Variants in TNNI3K observed in about 807,000 individuals in gnomAD.
TNNI3K encodes TNNI3 interacting kinase.
In TNNI3K, 140 loss-of-function variants were observed where a neutral mutation model predicts 114.5. The observed-to-expected ratio is 1.22, with a 90% CI of 1.07 to 1.41. The LOEUF is 1.41. Among genes scored for constraint, TNNI3K ranks in the 40% most tolerant of loss-of-function variants. TNNI3K has a pLI of 0.00. For synonymous variants in TNNI3K, 347 were observed against 347.5 expected, an observed-to-expected ratio of 1.00 and a Z score of 0.02; for missense variants, 1,125 against 1,007.6, an observed-to-expected ratio of 1.12 and a Z score of -1.58.
At chr1:74,468,337 G>C (rs1313160155) in intron 21 of TNNI3K, 1 of 151,946 alleles carries the variant, frequency 6.6e-6, no homozygotes, top group African/African-American at 2.4e-5. Flanking sequence ...TGAAGAAACT[G>C]TCGATTAGGG....
intron 21 of TNNI3K, among the ~76,000 whole-genome samples, chr1:74,483,916 C>G (rs1295872152): frequency 6.6e-6 from 1 of 152,118 alleles, no homozygotes; most frequent in Admixed American, 6.5e-5. Context: ...AGTATGATGT[C>G]AAGATTAAGC....
intron 21 of TNNI3K, among the ~76,000 whole-genome samples, chr1:74,467,676 C>CTCAAGTGAGTCACA (rs1667737459): frequency 6.6e-6 from 1 of 151,966 alleles, no homozygotes; most frequent in Admixed American, 6.6e-5. Context: ...ATTGTAGTTC[C>CTCAAGTGAGTCACA]TACAGTAAGG....
At chr1:74,366,033 C>T (rs1206768330) in intron 11 of TNNI3K, among the ~76,000 whole-genome samples, 1 of 151,626 alleles carries the variant, frequency 6.6e-6, no homozygotes, top group Non-Finnish European at 1.5e-5. Flanking sequence ...GATTTTTCCA[C>T]CTCATGATCT....
At chr1:74,371,480 A>G (rs937776492) in intron 17 of TNNI3K, 1 of 151,824 alleles carries the variant, frequency 6.6e-6, no homozygotes, top group Non-Finnish European at 1.5e-5. Flanking sequence ...TGAGGATTCT[A>G]ACAACAACTC....
chr1:74,420,155 A>G (rs1332235303), intron 17 of TNNI3K, among the ~76,000 whole-genome samples: 2 of 152,112 alleles, frequency 1.3e-5, no homozygotes, highest in African/African-American at 4.8e-5. Flanking sequence ...TGCAACTACA[A>G]GAGAGGTAGA....
chr1:74,336,114 C>G lies in TNNI3K; in HGVS notation c.647C>G (p.Ala216Gly), dbSNP rs1660449222. 1 of 1,603,602 alleles carries G rather than the reference C, an allele frequency of 6.2e-7. No individual in the cohort carries two copies. Reference sequence around the variant, plus strand: ...TCTGCAAAAGGATTCTTGAATATTGCAAAACTCTTGATGGAAGAAGGCAGC... The same window carrying G: ...TCTGCAAAAGGATTCTTGAATATTGGAAAACTCTTGATGGAAGAAGGCAGC... ...LASAKGFLNIAKLLMEEGSKA... is the reference protein window; with the variant it reads ...LASAKGFLNIGKLLMEEGSKA... The change falls in exon 7 of 25, where the codon GCA becomes GGA. Residue 216 changes from alanine (A) to glycine (G), a missense_variant. By Grantham distance (60) the Ala-to-Gly change is moderately conservative. Coordinates refer to ENST00000326637, the MANE Select transcript of TNNI3K (RefSeq NM_015978.3).
chr1:74,472,813 G>T (rs1293269364), intron 21 of TNNI3K, among the ~76,000 whole-genome samples: 1 of 151,982 alleles, frequency 6.6e-6, no homozygotes, highest in Non-Finnish European at 1.5e-5. Context: ...CTTTACCTGG[G>T]ACTTTTAAAA....
At chr1:74,287,122 AAAAG>A (rs1205948908) in intron 5 of TNNI3K, among the ~76,000 whole-genome samples, 1 of 152,040 alleles carries the variant, frequency 6.6e-6, no homozygotes, top group Admixed American at 6.6e-5. Context: ...AGCAAGAAAA[AAAAG>A]AAACTAAGGA....
chr1:74,494,076 T>A (rs1317072217), intron 23 of TNNI3K, among the ~76,000 whole-genome samples: 1 of 152,090 alleles, frequency 6.6e-6, no homozygotes, highest in African/African-American at 2.4e-5. Flanking sequence ...GAGTGCATAC[T>A]TTCCAACCCA....
intron 23 of TNNI3K, among the ~76,000 whole-genome samples, chr1:74,518,694 T>G (rs1237865182): frequency 6.6e-6 from 1 of 152,150 alleles, no homozygotes; most frequent in East Asian, 1.9e-4. Flanking sequence ...TTTTTTAAGC[T>G]CAAAATTATT....
At chr1:74,497,733 C>T (rs762235429) in intron 23 of TNNI3K, among the ~76,000 whole-genome samples, 5 of 152,150 alleles carry the variant, frequency 3.3e-5, no homozygotes, top group African/African-American at 4.8e-5. Flanking sequence ...CATGCTCTAA[C>T]CCACCTACTA....
chr1:74,271,460 T>C, intron 4 of TNNI3K, 138 bp from the exon 5 acceptor site: 2 of 710,878 alleles, frequency 2.8e-6, no homozygotes, highest in Non-Finnish European at 4.6e-6. Flanking sequence ...TCTAATGTGC[T>C]CTTATGCTAG....
rs1557448528 is a variant in TNNI3K at position 74,249,645 on chromosome 1, A to G, written c.235+101A>G. On this transcript the variant is annotated intron_variant, in intron 3 of 24. Transcript: ENST00000326637. ...CTGCAAAAGAATTCTATTCATACTC[A>G]ATTTTCCCTTCTGCTTTGCCTTTTC... The G allele has an allele frequency of 6.1e-5, 71 of 1,171,796 alleles. 1 individual carries two copies. The South Asian group carries it at 1.3e-3, about 22-fold the overall frequency. The allele number at this position is 1,171,796 out of a possible 1,614,324, so 72.6% of individuals were successfully genotyped here. A position where few individuals can be genotyped will look rare whatever the true frequency, so the allele number is the denominator to read the frequency against.
At chr1:74,349,771 A>G (rs1050568331) in intron 9 of TNNI3K, among the ~76,000 whole-genome samples, 4 of 152,164 alleles carry the variant, frequency 2.6e-5, no homozygotes, top group African/African-American at 7.2e-5. Flanking sequence ...AGGTGTTTAT[A>G]GTATTCTCTG....
chr1:74,266,250 G>A (rs904418308), intron 4 of TNNI3K, among the ~76,000 whole-genome samples: 14 of 152,012 alleles, frequency 9.2e-5, no homozygotes, highest in African/African-American at 3.1e-4. Flanking sequence ...TGTAAGGCTG[G>A]ACTTAGCTAG....
Position 74,342,977 on chromosome 1 carries a change from C to T in TNNI3K, c.818C>T (p.Pro273Leu). Residue 273 changes from proline to leucine, a missense_variant, in exon 8 of 25, where the codon CCC (proline) becomes CTC (leucine). By Grantham distance (98) the Pro-to-Leu change is moderately conservative. Transcript: ENST00000326637. ...PHVVNIYGDT[P>L]LHLACYNGKF... is the part of the protein sequence containing the mutation. The stretch of plus-strand genomic sequence containing the variant: ...GTTGTTAATATCTATGGAGATACCC[C>T]CTTACACCTGTGAGTATTATGTAGC... 4.3e-6 allele frequency: 7 copies of T among 1,613,800 alleles called. No individual in the cohort carries two copies. In the Middle Eastern group the frequency reaches 6.6e-4, roughly 152 times the overall value.
intron 11 of TNNI3K, among the ~76,000 whole-genome samples, chr1:74,365,657 C>T (rs1471022164): frequency 6.6e-6 from 1 of 152,044 alleles, no homozygotes; most frequent in Non-Finnish European, 1.5e-5. Flanking sequence ...GGGACTACTA[C>T]ATTATCTATT....
rs545347921 is a variant in TNNI3K at position 74,275,319 on chromosome 1, G to A, written c.444+3611G>A. Among the ~76,000 whole-genome samples, 33 of 152,104 alleles carry A rather than the reference G, an allele frequency of 2.2e-4. 1 individual carries two copies. The highest frequency in any genetic ancestry group is 1.6e-3 in the Admixed American group (24 of 15,252). Reference sequence around the variant, plus strand: ...CAGGCAAAGAAAGAATAAATGAGACGAAAAAGCAGAAACCCCTGATCAAAC... The same window carrying A: ...CAGGCAAAGAAAGAATAAATGAGACAAAAAAGCAGAAACCCCTGATCAAAC... On this transcript the variant is annotated intron_variant, in intron 5 of 24. Coordinates refer to ENST00000326637, the MANE Select transcript of TNNI3K (RefSeq NM_015978.3).
At chr1:74,517,972 C>T (rs914762306) in intron 23 of TNNI3K, among the ~76,000 whole-genome samples, 3 of 152,142 alleles carry the variant, frequency 2.0e-5, no homozygotes, top group African/African-American at 2.4e-5. Context: ...CTTAAAGTAA[C>T]AATCTTTGAC....
Sources: gnomAD v4.1 joint callset for allele counts (sites outside exome capture counted in the v4.1 genomes callset) on GRCh38, gnomAD v4.1.1 for gene constraint, MANE v1.5 for transcripts, NCBI Gene and HGNC (gene_info 2026-07-23, HGNC 2026-07-21) for gene names.